The following GABRG2 variants were observed in gnomAD, a reference collection of about 807,000 sequenced individuals.
GABRG2 encodes gamma-aminobutyric acid receptor subunit gamma-2.
A neutral mutation model predicts 56.4 loss-of-function variants in GABRG2; 16 were observed. That is an observed-to-expected ratio of 0.28 (90% CI 0.19 to 0.43). GABRG2 has a LOEUF of 0.43. GABRG2 is among the 20% of genes least tolerant of loss of function. GABRG2 has a pLI of 1.00. For missense variants in GABRG2, 327 were observed against 582.7 expected (o/e 0.56, Z 4.52); for synonymous variants, 208 against 205.5 (o/e 1.01, Z -0.10).
At chr5:162,152,913 A>T in intron 9 of GABRG2, 180 bp from the exon 10 acceptor site, 1 of 731,046 alleles carries the variant, frequency 1.4e-6, no homozygotes, top group Non-Finnish European at 2.3e-6. Context: ...TCAAAATTTG[A>T]AATCTGCAAA....
intron 6 of GABRG2, among the ~76,000 whole-genome samples, chr5:162,124,971 T>C (rs1314361907): frequency 1.3e-5 from 2 of 151,140 alleles, no homozygotes; most frequent in Non-Finnish European, 3.0e-5. Context: ...TGTGTGTGTG[T>C]GTGTGTGTGT....
chr5:162,119,605 A>G (rs1182188603), intron 6 of GABRG2, among the ~76,000 whole-genome samples: 7 of 152,096 alleles, frequency 4.6e-5, no homozygotes, highest in African/African-American at 9.7e-5. Flanking sequence ...CCACAGTCCA[A>G]TGAAATGACA....
At chr5:162,074,762 G>A (rs751086097) in intron 1 of GABRG2, among the ~76,000 whole-genome samples, 21 of 151,918 alleles carry the variant, frequency 1.4e-4, no homozygotes, top group African/African-American at 3.9e-4. Context: ...TTTATGAAAC[G>A]AATATCATTT....
At chr5:162,101,532 A>G (rs1761415706) in intron 5 of GABRG2, 1 of 575,804 alleles carries the variant, frequency 1.7e-6, no homozygotes, top group African/African-American at 1.9e-5. Flanking sequence ...AAGAATTACA[A>G]TAGGTTTCCT....
chr5:162,086,169 A>G (rs960337620), intron 1 of GABRG2, among the ~76,000 whole-genome samples: 1 of 152,070 alleles, frequency 6.6e-6, no homozygotes, highest in Non-Finnish European at 1.5e-5. Context: ...AGCATGTTAC[A>G]TAGGCAGCTC....
intron 6 of GABRG2, among the ~76,000 whole-genome samples, chr5:162,114,540 A>AAAAT (rs1373687172): frequency 1.3e-5 from 2 of 152,124 alleles, no homozygotes; most frequent in African/African-American, 2.4e-5. Context: ...TTCTGTCTCA[A>AAAAT]AAATAAATAA....
chr5:162,097,430 C>T (rs936051084), intron 3 of GABRG2, among the ~76,000 whole-genome samples: 7 of 152,100 alleles, frequency 4.6e-5, no homozygotes, highest in African/African-American at 1.7e-4. Context: ...TTAGACAGAT[C>T]TACTTTTTCA....
chr5:162,085,559 T>A (rs76571104), intron 1 of GABRG2, among the ~76,000 whole-genome samples: 41 of 108,636 alleles, frequency 3.8e-4, no homozygotes, highest in Non-Finnish European at 7.2e-4. Flanking sequence ...TTTTTTCTTC[T>A]TTTTTTTTTT....
chr5:162,149,495 G>A (rs1308831908), intron 8 of GABRG2, 182 bp downstream of exon 8: 2 of 734,872 alleles, frequency 2.7e-6, no homozygotes, highest in Admixed American at 1.9e-5. Context: ...AGAGACTCAA[G>A]TCTGTTTCTA....
intron 6 of GABRG2, among the ~76,000 whole-genome samples, chr5:162,108,087 T>C (rs1761965626): frequency 6.6e-6 from 1 of 152,196 alleles, no homozygotes; most frequent in African/African-American, 2.4e-5. Context: ...ACATTTACTA[T>C]TAACACAGAT....
intron 6 of GABRG2, among the ~76,000 whole-genome samples, chr5:162,114,850 C>T (rs185808847): frequency 2.0e-5 from 3 of 152,236 alleles, no homozygotes; most frequent in Admixed American, 6.6e-5. Flanking sequence ...TATATATGGA[C>T]ATCTGTGCCT....
chr5:162,109,297 C>T (rs1023789105), intron 6 of GABRG2, among the ~76,000 whole-genome samples: 93 of 150,042 alleles, frequency 6.2e-4, no homozygotes, highest in Non-Finnish European at 1.0e-3. Flanking sequence ...ATGTAAATGA[C>T]GAGTTAATGG....
Position 162,153,343 on chromosome 5 carries a change from A to G in GABRG2, c.1403A>G (p.Tyr468Cys), listed in dbSNP as rs749946230. Residue 468 changes from tyrosine to cysteine, a missense_variant, in exon 10 of 10, where the codon TAT becomes TGT. By Grantham distance (194) the Tyr-to-Cys change is radical. Coordinates refer to ENST00000639213, the MANE Select transcript of GABRG2 (RefSeq NM_198904.4). The stretch of plus-strand genomic sequence containing the variant: ...GCCTTCTGCCTGTTTAATCTGGTCT[A>G]TTGGGTCTCCTACCTCTACCTGTGA... Reference protein sequence around the residue: ...PTAFCLFNLVYWVSYLYL With the variant: ...PTAFCLFNLVCWVSYLYL 6.2e-7 allele frequency: 1 copy of G among 1,613,876 alleles called. No individual in the cohort carries two copies. The highest frequency in any genetic ancestry group is 1.1e-5 in the South Asian group (1 of 91,074).
At chr5:162,133,863 C>T (rs904757823) in intron 6 of GABRG2, among the ~76,000 whole-genome samples, 1 of 152,108 alleles carries the variant, frequency 6.6e-6, no homozygotes, top group African/African-American at 2.4e-5. Context: ...AGCTTTCTTT[C>T]ATCTAAAGCT....
chr5:162,103,799 C>G, intron 5 of GABRG2, 90 bp from the exon 6 acceptor site: 1 of 1,406,554 alleles, frequency 7.1e-7, no homozygotes, highest in South Asian at 1.2e-5. Flanking sequence ...CTTTCTCAGT[C>G]TTTACCTCAG....
chr5:162,078,744 C>T (rs1759404215), intron 1 of GABRG2, among the ~76,000 whole-genome samples: 1 of 151,688 alleles, frequency 6.6e-6, no homozygotes, highest in African/African-American at 2.4e-5. Context: ...ATCTTCAATA[C>T]AGAATTTTCA....
chr5:162,150,952 G>C (rs1765328215), intron 8 of GABRG2: 1 of 151,798 alleles, frequency 6.6e-6, no homozygotes, highest in Non-Finnish European at 1.5e-5. Flanking sequence ...TGTTGTTTTT[G>C]TTTGCTCCCT....
chr5:162,130,579 T>C (rs889282421), intron 6 of GABRG2, among the ~76,000 whole-genome samples: 7 of 151,992 alleles, frequency 4.6e-5, no homozygotes, highest in African/African-American at 7.2e-5. Flanking sequence ...GCGCTTCTAC[T>C]AATACGCTTA....
At chr5:162,075,370 C>T (rs1242857750) in intron 1 of GABRG2, among the ~76,000 whole-genome samples, 1 of 152,150 alleles carries the variant, frequency 6.6e-6, no homozygotes, top group Non-Finnish European at 1.5e-5. Context: ...GCACCTACCA[C>T]TCAGTGTAAT....
Sources: allele counts gnomAD v4.1 joint callset (sites outside exome capture counted in the v4.1 genomes callset), GRCh38; gene constraint gnomAD v4.1.1; transcripts MANE v1.5; gene names NCBI Gene and HGNC (gene_info 2026-07-23, HGNC 2026-07-21).